Variants in RIMS1 observed in about 807,000 individuals in gnomAD.
RIMS1 encodes regulating synaptic membrane exocytosis 1, also known as regulating synaptic membrane exocytosis protein 1.
A neutral mutation model predicts 214.1 loss-of-function variants in RIMS1; 83 were observed. The ratio of observed to expected loss-of-function variants is 0.39; its 90% confidence interval spans 0.32 to 0.47. The LOEUF is 0.47. RIMS1 is among the 20% of genes least tolerant of loss of function. The probability of loss-of-function intolerance (pLI) is 0.99; values close to 1 mark genes in which losing one functional copy is unlikely to be tolerated. For missense variants in RIMS1, 2,050 were observed against 2,161.8 expected (o/e 0.95, Z 1.03); for synonymous variants, 793 against 786.8 (o/e 1.01, Z -0.13).
intron 29 of RIMS1, among the ~76,000 whole-genome samples, chr6:72,359,490 T>C (rs2097756415): frequency 6.6e-6 from 1 of 152,142 alleles, no homozygotes; most frequent in African/African-American, 2.4e-5. Flanking sequence ...TTTTTTTTCT[T>C]TAATCCAGAG....
At chr6:72,125,336 C>T (rs987145084) in intron 4 of RIMS1, among the ~76,000 whole-genome samples, 2 of 152,136 alleles carry the variant, frequency 1.3e-5, no homozygotes, top group Non-Finnish European at 2.9e-5. Context: ...AATATTGCTG[C>T]CTGATCCTTC....
In RIMS1 at chr6:72,142,461, C is replaced by T. The variant is rs542843976; in HGVS notation, c.472-37114C>T. ...GTAAATTCCTTGTCTATGATATGAC[C>T]TCTTTCTACTTCCTGAAAAAAGGAG... On this transcript the variant is annotated intron_variant, in intron 4 of 33. Coordinates refer to ENST00000521978, the MANE Select transcript of RIMS1 (RefSeq NM_014989.7). 1.3e-3 allele frequency among the ~76,000 whole-genome samples: 205 copies of T among 151,958 alleles called. 1 individual carries two copies. Among genetic ancestry groups the T allele is most frequent in the Non-Finnish European group, 2.2e-3 (152 of 67,912 alleles).
chr6:72,078,186 A>G (rs1832393304), intron 2 of RIMS1, among the ~76,000 whole-genome samples: 1 of 152,224 alleles, frequency 6.6e-6, no homozygotes, highest in African/African-American at 2.4e-5. Context: ...TGGTTATAGT[A>G]GGATTTAAAA....
intron 16 of RIMS1, among the ~76,000 whole-genome samples, chr6:72,253,533 A>C (rs1324110786): frequency 3.3e-5 from 5 of 152,208 alleles, no homozygotes; most frequent in African/African-American, 1.2e-4. Context: ...TACTTTTTAA[A>C]AATTTACTAA....
At chr6:72,370,199 A>C (rs955725801) in intron 29 of RIMS1, among the ~76,000 whole-genome samples, 53 of 152,140 alleles carry the variant, frequency 3.5e-4, no homozygotes, top group African/African-American at 1.3e-3. Flanking sequence ...TTGCTACCAA[A>C]GTTTCAGAGA....
chr6:72,311,816 A>G (rs1300435397), intron 27 of RIMS1, among the ~76,000 whole-genome samples: 6 of 152,136 alleles, frequency 3.9e-5, no homozygotes, highest in Non-Finnish European at 2.9e-5. Context: ...ACTAAAATAC[A>G]AAAAACTAGC....
At chr6:71,969,096 T>G in intron 2 of RIMS1, 33 bp downstream of exon 2, 1 of 1,586,958 alleles carries the variant, frequency 6.3e-7, no homozygotes, top group Non-Finnish European at 8.7e-7. Flanking sequence ...TGACTGAAAA[T>G]GTCGTCTCTT....
chr6:72,204,629 T>G (rs2052596162), intron 6 of RIMS1, among the ~76,000 whole-genome samples: 1 of 152,222 alleles, frequency 6.6e-6, no homozygotes, highest in African/African-American at 2.4e-5. Context: ...TTCTTAATGT[T>G]TGCATGTGCT....
intron 4 of RIMS1, among the ~76,000 whole-genome samples, chr6:72,131,630 C>T (rs1562387760): frequency 6.6e-6 from 1 of 152,122 alleles, no homozygotes; most frequent in African/African-American, 2.4e-5. Flanking sequence ...ATCACAGGAC[C>T]ACAGGACTGG....
At chr6:71,901,065 C>T (rs994338775) in intron 1 of RIMS1, among the ~76,000 whole-genome samples, 3 of 152,022 alleles carry the variant, frequency 2.0e-5, no homozygotes, top group Non-Finnish European at 4.4e-5. Context: ...GAGGCTAAGG[C>T]ACACTGACTA....
intron 1 of RIMS1, among the ~76,000 whole-genome samples, chr6:71,942,544 T>C (rs1015555200): frequency 1.3e-5 from 2 of 152,178 alleles, no homozygotes; most frequent in Non-Finnish European, 2.9e-5. Context: ...TTATATATTA[T>C]GGTTATAGTT....
At chr6:72,046,655 A>G (rs1354963475) in intron 2 of RIMS1, among the ~76,000 whole-genome samples, 1 of 152,142 alleles carries the variant, frequency 6.6e-6, no homozygotes, top group Non-Finnish European at 1.5e-5. Flanking sequence ...CCAGTTATTC[A>G]TTTGAAAATT....
intron 28 of RIMS1, among the ~76,000 whole-genome samples, chr6:72,315,747 G>C (rs1005183043): frequency 1.3e-5 from 2 of 151,756 alleles, no homozygotes; most frequent in African/African-American, 4.8e-5. Context: ...TGCTTCCCTC[G>C]TCAATCCTGT....
Position 72,245,822 on chromosome 6 carries a change from C to A in RIMS1, c.2089C>A (p.Pro697Thr). The A allele has an allele frequency of 6.2e-7, 1 of 1,608,760 alleles. No homozygotes were observed. The highest frequency in any genetic ancestry group is 8.5e-7 in the Non-Finnish European group (1 of 1,175,432). ...ATATCCTGTTTCTTTTAGTGACATTCCCCGGATTCCTGAGAGCTCCCACCC... is the reference window on the plus strand; with the variant it reads ...ATATCCTGTTTCTTTTAGTGACATTACCCGGATTCCTGAGAGCTCCCACCC... ...IIVSRPIGDI[P>T]RIPESSHPPL... The change falls in exon 11 of 34, where the codon CCC becomes ACC. Residue 697 changes from proline to threonine, a missense_variant. Around this residue, in one of 6 missense-constraint regions of RIMS1, gnomAD observed 111 missense variants for 166.2 expected, o/e 0.67. Coordinates refer to ENST00000521978, the MANE Select transcript of RIMS1 (RefSeq NM_014989.7).
At chr6:72,048,343 G>C (rs1206378697) in intron 2 of RIMS1, among the ~76,000 whole-genome samples, 1 of 152,102 alleles carries the variant, frequency 6.6e-6, no homozygotes, top group Non-Finnish European at 1.5e-5. Context: ...TCCTTTGCTG[G>C]GGCTTAGCCA....
chr6:72,026,766 T>C (rs1562146561), intron 2 of RIMS1, among the ~76,000 whole-genome samples: 1 of 152,198 alleles, frequency 6.6e-6, no homozygotes, highest in Non-Finnish European at 1.5e-5. Flanking sequence ...CACTATGTAG[T>C]GGCACTTTTT....
chr6:72,035,461 C>G (rs779634975), intron 2 of RIMS1, among the ~76,000 whole-genome samples: 9 of 152,034 alleles, frequency 5.9e-5, no homozygotes, highest in Non-Finnish European at 7.4e-5. Flanking sequence ...GGGCATTAGA[C>G]CCCCCTCCTT....
intron 27 of RIMS1, among the ~76,000 whole-genome samples, chr6:72,309,943 ATACTTGAGAAAT>A (rs1343516155): frequency 1.3e-5 from 2 of 152,080 alleles, no homozygotes; most frequent in Admixed American, 6.5e-5. Context: ...CCTTTTGCAT[ATACTTGAGAAAT>A]TATCTTTTTC....
intron 4 of RIMS1, among the ~76,000 whole-genome samples, chr6:72,152,695 T>G (rs117693965): frequency 0.011 from 1,588 of 139,854 alleles, 10 homozygotes; most frequent in Non-Finnish European, 0.017. Context: ...AGAGATACAT[T>G]TGGAATATAT....
Sources: gnomAD v4.1 joint callset for allele counts (sites outside exome capture counted in the v4.1 genomes callset) on GRCh38, gnomAD v4.1.1 for gene constraint, gnomAD v4.1.1 regional missense constraint, MANE v1.5 for transcripts, NCBI Gene and HGNC (gene_info 2026-07-23, HGNC 2026-07-21) for gene names.